Variants in AK5 observed in about 807,000 individuals in gnomAD.
AK5 encodes adenylate kinase isoenzyme 5.
Under a neutral mutation model 69.5 loss-of-function variants are expected in AK5, and 27 were observed. The observed-to-expected ratio is 0.39, with a 90% CI of 0.29 to 0.54. The LOEUF is 0.54. AK5 is among the 20% of genes least tolerant of loss of function. The probability of loss-of-function intolerance (pLI) is 0.71; values close to 1 mark genes in which losing one functional copy is unlikely to be tolerated. For missense variants in AK5, 531 were observed against 700.4 expected (o/e 0.76, Z 2.73); for synonymous variants, 260 against 244.4 (o/e 1.06, Z -0.60).
At chr1:77,347,373 A>G (rs1389555307) in intron 6 of AK5, among the ~76,000 whole-genome samples, 1 of 152,204 alleles carries the variant, frequency 6.6e-6, no homozygotes, top group African/African-American at 2.4e-5. Flanking sequence ...CCTCTGGGCA[A>G]CAAGCACTTA....
Position 77,413,324 on chromosome 1 carries a change from C to T in AK5, c.982+2253C>T, listed in dbSNP as rs185998291. On this transcript the variant is annotated intron_variant, in intron 7 of 13. Coordinates refer to ENST00000354567, the MANE Select transcript of AK5 (RefSeq NM_174858.3). ...CCCAACCCCATAGAGCCCCATCCTG[C>T]ACCTGGCCAGATTCTACTTTGCGCC... 3.9e-5 allele frequency among the ~76,000 whole-genome samples: 6 copies of T among 152,270 alleles called. No homozygotes were observed. In the East Asian group the frequency reaches 1.2e-3, roughly 29 times the overall value.
chr1:77,410,972 T>A lies in AK5; in HGVS notation c.892-9T>A. The A allele has an allele frequency of 6.2e-7, 1 of 1,612,228 alleles. No individual in the cohort carries two copies. The highest frequency in any genetic ancestry group is 1.1e-5 in the South Asian group (1 of 90,758). On this transcript the variant is annotated splice_polypyrimidine_tract_variant and intron_variant, in intron 6 of 13. Transcript: ENST00000354567. ...ACATTCCAAACTTGTCTGTCCTGAT[T>A]TCCCCCAGTTTGATGCCGACCGCGA...
intron 8 of AK5, among the ~76,000 whole-genome samples, chr1:77,433,504 A>G (rs558124811): frequency 6.7e-6 from 1 of 149,392 alleles, no homozygotes; most frequent in South Asian, 2.1e-4. Flanking sequence ...TTTAGTCAAA[A>G]CTTTTGTGAT....
chr1:77,455,347 G>A (rs926239651), intron 8 of AK5, among the ~76,000 whole-genome samples: 10 of 152,136 alleles, frequency 6.6e-5, no homozygotes, highest in African/African-American at 2.4e-4. Flanking sequence ...AGACATGAGT[G>A]CCTTATAAAA....
intron 8 of AK5, among the ~76,000 whole-genome samples, chr1:77,462,783 A>G (rs1168526245): frequency 2.0e-5 from 3 of 152,216 alleles, no homozygotes; most frequent in Admixed American, 2.0e-4. Context: ...CTATACTTTA[A>G]AACAATAAAA....
chr1:77,555,682 T>C (rs570283470), intron 13 of AK5, among the ~76,000 whole-genome samples: 28 of 152,380 alleles, frequency 1.8e-4, no homozygotes, highest in African/African-American at 6.5e-4. Flanking sequence ...TTTTAAATGA[T>C]GACAATTATT....
chr1:77,539,265 A>G (rs772649774), intron 13 of AK5, among the ~76,000 whole-genome samples: 2 of 152,244 alleles, frequency 1.3e-5, no homozygotes, highest in Non-Finnish European at 2.9e-5. Context: ...ATTTTATTTA[A>G]TGGTGGAAAA....
At chr1:77,486,090 G>A (rs1324708696) in intron 9 of AK5, among the ~76,000 whole-genome samples, 3 of 152,158 alleles carry the variant, frequency 2.0e-5, no homozygotes, top group African/African-American at 7.2e-5. Flanking sequence ...ACTCCAGCCT[G>A]AGCAACAGGG....
At chr1:77,320,488 C>A (rs550615256) in intron 5 of AK5, among the ~76,000 whole-genome samples, 4 of 152,222 alleles carry the variant, frequency 2.6e-5, no homozygotes, top group South Asian at 4.2e-4. Context: ...GTGGCTCATG[C>A]CTGTAATCTC....
At chr1:77,475,239 A>G (rs1472933382) in intron 8 of AK5, among the ~76,000 whole-genome samples, 1 of 145,610 alleles carries the variant, frequency 6.9e-6, no homozygotes, top group Non-Finnish European at 1.5e-5. Flanking sequence ...ATATATAGAT[A>G]TATAAAGGCT....
At chr1:77,515,002 A>G (rs996688486) in intron 10 of AK5, among the ~76,000 whole-genome samples, 1 of 152,322 alleles carries the variant, frequency 6.6e-6, no homozygotes, top group Non-Finnish European at 1.5e-5. Context: ...ACTTCTCCAG[A>G]GTGGCCACCT....
intron 6 of AK5, among the ~76,000 whole-genome samples, chr1:77,359,465 T>G (rs1203116088): frequency 6.6e-6 from 1 of 152,222 alleles, no homozygotes; most frequent in Non-Finnish European, 1.5e-5. Flanking sequence ...TACAAATTTT[T>G]TATATGTATT....
intron 12 of AK5, among the ~76,000 whole-genome samples, chr1:77,522,936 T>C (rs1658077065): frequency 6.6e-6 from 1 of 152,154 alleles, no homozygotes; most frequent in South Asian, 2.1e-4. Flanking sequence ...ATTGTCCTCA[T>C]GTTAAAGGTG....
At chr1:77,354,612 G>C (rs1387336096) in intron 6 of AK5, among the ~76,000 whole-genome samples, 2 of 152,230 alleles carry the variant, frequency 1.3e-5, no homozygotes, top group African/African-American at 4.8e-5. Flanking sequence ...TAAGCTGAGA[G>C]TGAACAAGAA....
chr1:77,518,175 G>A (rs1209223725), intron 10 of AK5, among the ~76,000 whole-genome samples: 11 of 152,112 alleles, frequency 7.2e-5, no homozygotes, highest in East Asian at 3.8e-4. Context: ...GAGTGGGTTC[G>A]GTTCTCCAAG....
intron 13 of AK5, among the ~76,000 whole-genome samples, chr1:77,543,851 G>A (rs1005990163): frequency 1.3e-5 from 2 of 152,226 alleles, no homozygotes; most frequent in South Asian, 2.1e-4. Context: ...TTCCATCTCC[G>A]GTTAGTTGAA....
intron 8 of AK5, among the ~76,000 whole-genome samples, chr1:77,437,020 T>A (rs1479500532): frequency 6.6e-6 from 1 of 152,178 alleles, no homozygotes; most frequent in East Asian, 1.9e-4. Context: ...ATGACATTCA[T>A]GTCAAACACT....
intron 10 of AK5, among the ~76,000 whole-genome samples, chr1:77,497,621 T>C (rs1656422127): frequency 1.3e-5 from 2 of 152,180 alleles, no homozygotes; most frequent in African/African-American, 4.8e-5. Context: ...GTTGTCAGCC[T>C]TTCTCACCCA....
intron 8 of AK5, among the ~76,000 whole-genome samples, chr1:77,459,849 C>A (rs1188646938): frequency 6.6e-6 from 1 of 151,908 alleles, no homozygotes; most frequent in Non-Finnish European, 1.5e-5. Context: ...GTTTCTTGAA[C>A]TAGAAAATAG....
Sources: allele counts gnomAD v4.1 joint callset (sites outside exome capture counted in the v4.1 genomes callset), GRCh38; gene constraint gnomAD v4.1.1; transcripts MANE v1.5; gene names NCBI Gene and HGNC (gene_info 2026-07-23, HGNC 2026-07-21).